Variants in HKDC1 observed in about 807,000 individuals in gnomAD.
HKDC1 encodes hexokinase domain containing 1.
A neutral mutation model predicts 96.6 loss-of-function variants in HKDC1; 66 were observed. The ratio of observed to expected loss-of-function variants is 0.68; its 90% confidence interval spans 0.56 to 0.84. The LOEUF (loss-of-function observed/expected upper bound fraction) is 0.84. Among genes scored for constraint, HKDC1 ranks in the 40% least tolerant of loss-of-function variants. The pLI is 0.00. For synonymous variants in HKDC1, 466 were observed against 473.1 expected (o/e 0.98, Z 0.20); for missense variants, 1,211 against 1,208.1 (o/e 1.00, Z -0.04).
chr10:69,239,189 C>G (rs1477718383), intron 5 of HKDC1, 52 bp downstream of exon 5: 1 of 1,438,888 alleles, frequency 6.9e-7, no homozygotes, highest in Non-Finnish European at 9.7e-7. Flanking sequence ...GCTCCTTTCT[C>G]TTGGGTTGGT....
At chr10:69,236,377 G>C (rs970299886) in intron 4 of HKDC1, among the ~76,000 whole-genome samples, 1 of 151,650 alleles carries the variant, frequency 6.6e-6, no homozygotes, top group Non-Finnish European at 1.5e-5. Context: ...CAAAGTGCTG[G>C]GATTGCAGGC....
At position 69,257,034 on chromosome 10, in the gene HKDC1, A is replaced by G. The variant is rs936758354; in HGVS notation, c.1837-2A>G. Reference sequence around the variant, plus strand: ...AAATGAATTTCCCCTCCTTTCTTTCAGGGAACACTCATAGGGTGGACCAAA... The same window carrying G: ...AAATGAATTTCCCCTCCTTTCTTTCGGGGAACACTCATAGGGTGGACCAAA... On this transcript the variant is annotated splice_acceptor_variant, in intron 12 of 17. Transcript: ENST00000354624. LOFTEE classifies it high-confidence loss of function. The G allele has an allele frequency of 6.2e-7, 1 of 1,611,010 alleles. No individual in the cohort carries two copies. The highest frequency in any genetic ancestry group is 8.5e-7 in the Non-Finnish European group (1 of 1,177,130).
chr10:69,240,243 T>G (rs1029036384), intron 5 of HKDC1, among the ~76,000 whole-genome samples: 1 of 152,148 alleles, frequency 6.6e-6, no homozygotes, highest in East Asian at 1.9e-4. Flanking sequence ...CCCAGGAGTT[T>G]GAGGCTGTGG....
In HKDC1 at chr10:69,257,365, A is replaced by G; in HGVS notation, c.1971A>G (p.Thr657=). The G allele has an allele frequency of 6.2e-7, 1 of 1,614,058 alleles. No individual in the cohort carries two copies. Among genetic ancestry groups the G allele is most frequent in the Non-Finnish European group, 8.5e-7 (1 of 1,179,940 alleles). The change falls in exon 14 of 18, where the codon ACA becomes ACG. Residue 657 remains threonine, a synonymous_variant. Coordinates refer to ENST00000354624, the MANE Select transcript of HKDC1 (RefSeq NM_025130.4). ...ACATTGTTGCAGTCGTGAATGATAC[A>G]GTGGGGACCATGATGACCTGTGGCT... is the stretch of plus-strand genomic sequence containing the variant. ...DLDIVAVVND[T]VGTMMTCGYE...
At chr10:69,260,549 C>T (rs188650007) in intron 15 of HKDC1, among the ~76,000 whole-genome samples, 63 of 152,276 alleles carry the variant, frequency 4.1e-4, no homozygotes, top group African/African-American at 1.4e-3. Context: ...CTGATGAGGT[C>T]TTGAGCAGTT....
intron 4 of HKDC1, among the ~76,000 whole-genome samples, chr10:69,237,277 T>TTGTGTGTGTG (rs71035080): frequency 2.3e-3 from 338 of 145,678 alleles, no homozygotes; most frequent in South Asian, 6.7e-3. Context: ...AGAAATTTCT[T>TTGTGTGTGTG]TGTGTGTGTG....
chr10:69,259,510 T>C (rs950580489), intron 15 of HKDC1, among the ~76,000 whole-genome samples: 37 of 152,224 alleles, frequency 2.4e-4, no homozygotes, highest in African/African-American at 8.7e-4. Flanking sequence ...AGATTTCACT[T>C]GCATTATGAT....
rs1843558016 is a variant in HKDC1 at position 69,247,382 on chromosome 10, A to G, written c.1054A>G (p.Thr352Ala). 4 of 1,613,906 alleles carry G rather than the reference A, an allele frequency of 2.5e-6. No individual in the cohort carries two copies. In the South Asian group the frequency reaches 4.4e-5, roughly 18 times the overall value. Residue 352 changes from threonine to alanine, a missense_variant, in exon 9 of 18, where the codon ACA (threonine) becomes GCA (alanine). By Grantham distance (58) the Thr-to-Ala change is moderately conservative. Transcript: ENST00000354624. Reference sequence around the variant, plus strand: ...CAGGTATAAAGAAGGCCTTGCTAATACAAGAGAGATCCTGGTGGACCTGGG... The same window carrying G: ...CAGGTATAAAGAAGGCCTTGCTAATGCAAGAGAGATCCTGGTGGACCTGGG... ...MEKYKEGLAN[T>A]REILVDLGLE...
At chr10:69,222,874 C>G (rs1444434348) in intron 1 of HKDC1, 1 of 152,252 alleles carries the variant, frequency 6.6e-6, no homozygotes, top group African/African-American at 2.4e-5. Context: ...GGTGGAAACA[C>G]ACCTGGTCAA....
At chr10:69,221,150 A>G (rs546257326) in intron 1 of HKDC1, among the ~76,000 whole-genome samples, 1 of 151,400 alleles carries the variant, frequency 6.6e-6, no homozygotes, top group East Asian at 1.9e-4. Context: ...GACTTCATCT[A>G]AAAAAAAAGA....
intron 1 of HKDC1, among the ~76,000 whole-genome samples, chr10:69,224,110 A>AG (rs1843111906): frequency 6.6e-6 from 1 of 150,860 alleles, no homozygotes; most frequent in Non-Finnish European, 1.5e-5. Flanking sequence ...TGGGAGGCTG[A>AG]GGTGGCAGGA....
At chr10:69,223,652 C>T (rs1379528601) in intron 1 of HKDC1, among the ~76,000 whole-genome samples, 2 of 125,698 alleles carry the variant, frequency 1.6e-5, no homozygotes, top group Non-Finnish European at 3.1e-5. Flanking sequence ...GTGGTGCGAT[C>T]TTGGCTCACT....
At chr10:69,233,311 T>A (rs558089632) in intron 4 of HKDC1, among the ~76,000 whole-genome samples, 178 bp downstream of exon 4, 28 of 152,318 alleles carry the variant, frequency 1.8e-4, no homozygotes, top group Middle Eastern at 3.4e-3. Flanking sequence ...CGCAATGGCC[T>A]TGATTTTATG....
At chr10:69,264,976 G>A (rs1320350497) in intron 16 of HKDC1, among the ~76,000 whole-genome samples, 1 of 150,532 alleles carries the variant, frequency 6.6e-6, no homozygotes, top group African/African-American at 2.5e-5. Context: ...CTTCTCTAAG[G>A]TTCTGATTGT....
chr10:69,239,043 G>T lies in HKDC1; in HGVS notation c.497G>T (p.Gly166Val). The change falls in exon 5 of 18, where the codon GGT becomes GTT. Residue 166 changes from glycine to valine, a missense_variant and splice_region_variant. Coordinates refer to ENST00000354624, the MANE Select transcript of HKDC1 (RefSeq NM_025130.4). ...ACTGGACCTGAAATCTTCTCCCAGG[G>T]TGTCCTACTTTCGTGGACAAAAAAG... The part of the protein sequence containing the change: ...FPCRQTKLEE[G>V]VLLSWTKKFK... 1.9e-6 allele frequency: 3 copies of T among 1,611,100 alleles called. No individual in the cohort carries two copies. The highest frequency in any genetic ancestry group is 2.5e-6 in the Non-Finnish European group (3 of 1,177,568).
Position 69,239,134 on chromosome 10 carries a change from C to T in HKDC1, c.588C>T (p.His196=), listed in dbSNP as rs200815826. 1.2e-5 allele frequency: 19 copies of T among 1,612,698 alleles called. No homozygotes were observed. Among genetic ancestry groups the T allele is most frequent in the Middle Eastern group, 1.7e-4 (1 of 6,058 alleles). ...VSRLTKAMRR[H]KDMDVDILAL... is the part of the protein sequence containing the mutation. ...GTCTGACCAAAGCCATGAGAAGACA[C>T]AAGGTGAGGAATTCACCTCGGTGTG... Residue 196 remains histidine, a synonymous_variant, in exon 5 of 18, where the codon CAC becomes CAT. Coordinates refer to ENST00000354624, the MANE Select transcript of HKDC1 (RefSeq NM_025130.4).
At chr10:69,259,410 C>T (rs1002281123) in intron 15 of HKDC1, among the ~76,000 whole-genome samples, 4 of 152,156 alleles carry the variant, frequency 2.6e-5, no homozygotes, top group Admixed American at 6.5e-5. Flanking sequence ...TGTCCCACCA[C>T]GGGTCACAAT....
At position 69,224,477 on chromosome 10, in the gene HKDC1, T is replaced by C. The variant is rs538875893; in HGVS notation, c.64-2730T>C. Among the ~76,000 whole-genome samples, 4 of 152,074 alleles carry C rather than the reference T, an allele frequency of 2.6e-5. No individual in the cohort carries two copies. The East Asian group carries it at 7.8e-4, about 30-fold the overall frequency. On this transcript the variant is annotated intron_variant, in intron 1 of 17. Coordinates refer to ENST00000354624, the MANE Select transcript of HKDC1 (RefSeq NM_025130.4). ...TTTTGTATTTTTAGTAGAGACATGG[T>C]TTCACCAGCTTGGCCAGGCTGGTCT...
chr10:69,232,955 C>T (rs1843294166), intron 3 of HKDC1, 43 bp downstream of exon 3: 1 of 1,612,144 alleles, frequency 6.2e-7, no homozygotes, highest in African/African-American at 1.3e-5. Context: ...AAGGCGGTGG[C>T]ATCCGTGTGT....
Sources: allele counts gnomAD v4.1 joint callset (sites outside exome capture counted in the v4.1 genomes callset), GRCh38; gene constraint gnomAD v4.1.1; transcripts MANE v1.5; gene names NCBI Gene and HGNC (gene_info 2026-07-23, HGNC 2026-07-21).